Variants in PEPD observed in about 807,000 individuals in gnomAD.
PEPD encodes the protein peptidase D.
Under a neutral mutation model 60.7 loss-of-function variants are expected in PEPD, and 53 were observed. The observed-to-expected ratio is 0.87, with a 90% CI of 0.70 to 1.10. The LOEUF (loss-of-function observed/expected upper bound fraction) is 1.10. PEPD is among the 50% of genes least tolerant of loss of function. PEPD has a pLI of 0.00. For synonymous variants in PEPD, 267 were observed against 284.1 expected, an observed-to-expected ratio of 0.94 and a Z score of 0.60; for missense variants, 711 against 711.9, an observed-to-expected ratio of 1.00 and a Z score of 0.01.
chr19:33,471,752 G>A (rs1239330730), intron 7 of PEPD, among the ~76,000 whole-genome samples: 2 of 152,342 alleles, frequency 1.3e-5, no homozygotes, highest in East Asian at 3.9e-4. Context: ...GCTCTCACTT[G>A]TAATCCCGGC....
intron 9 of PEPD, among the ~76,000 whole-genome samples, chr19:33,457,669 C>T (rs1284635976): frequency 1.3e-5 from 2 of 152,224 alleles, no homozygotes; most frequent in African/African-American, 4.8e-5. Flanking sequence ...CGACACCTAG[C>T]CCAGCTAATT....
intron 6 of PEPD, among the ~76,000 whole-genome samples, chr19:33,489,408 G>C (rs1970455531): frequency 6.6e-6 from 1 of 152,106 alleles, no homozygotes; most frequent in Admixed American, 6.6e-5. Flanking sequence ...GTGGGTGGAT[G>C]ACCTGAGGTC....
intron 9 of PEPD, among the ~76,000 whole-genome samples, chr19:33,458,382 T>G (rs980466020): frequency 4.0e-5 from 6 of 149,738 alleles, no homozygotes; most frequent in Admixed American, 4.0e-4. Flanking sequence ...TAGGTGTGTG[T>G]GGCAAGTGAT....
At position 33,388,118 on chromosome 19, in the gene PEPD, T is replaced by C. The variant is rs1320937895; in HGVS notation, c.1153-37A>G. ...AGAGGTGAGGGGCCTGATGAGCAGC[T>C]CCAGGGCTCACCGTGGCCTCATCAG... On this transcript the variant is annotated intron_variant, in intron 13 of 14. Transcript: ENST00000244137. 6.6e-6 allele frequency: 10 copies of C among 1,513,180 alleles called. No individual in the cohort carries two copies. In the South Asian group the frequency reaches 9.6e-5, roughly 14 times the overall value. The allele number at this position is 1,513,180 out of a possible 1,614,324, so 93.7% of individuals were successfully genotyped here.
chr19:33,471,839 T>C (rs1970126290), intron 7 of PEPD, among the ~76,000 whole-genome samples: 1 of 151,574 alleles, frequency 6.6e-6, no homozygotes, highest in Non-Finnish European at 1.5e-5. Context: ...GGCATCACAG[T>C]GATAACCTGT....
chr19:33,473,047 G>C (rs979708679), intron 7 of PEPD, among the ~76,000 whole-genome samples: 3 of 152,188 alleles, frequency 2.0e-5, no homozygotes, highest in African/African-American at 7.2e-5. Flanking sequence ...AGCTGAGTGT[G>C]CCTGAAACCT....
At chr19:33,461,531 G>T (rs147300932) in intron 9 of PEPD, among the ~76,000 whole-genome samples, 242 of 152,256 alleles carry the variant, frequency 1.6e-3, no homozygotes, top group African/African-American at 5.5e-3. Context: ...AGCATGCAGA[G>T]GACGGCAGGG....
At chr19:33,504,810 G>C (rs1970769522) in intron 3 of PEPD, among the ~76,000 whole-genome samples, 1 of 151,886 alleles carries the variant, frequency 6.6e-6, no homozygotes, top group Non-Finnish European at 1.5e-5. Context: ...TGGGTCAGCA[G>C]AGAAGCTGCT....
In PEPD at chr19:33,463,032, C is replaced by G. The variant is rs747700126; in HGVS notation, c.634G>C (p.Ala212Pro). The G allele has an allele frequency of 6.3e-7, 1 of 1,586,220 alleles. No individual in the cohort carries two copies. Among genetic ancestry groups the G allele is most frequent in the Non-Finnish European group, 8.7e-7 (1 of 1,154,574 alleles). The change falls in exon 9 of 15, where the codon GCT becomes CCT. Residue 212 changes from alanine to proline, a missense_variant. Coordinates refer to ENST00000244137, the MANE Select transcript of PEPD (RefSeq NM_000285.4). ...TATTCTTTCATTCCCACTTTTACAG[C>G]CTTCATTACCTGGAGGACGGATATT... is the stretch of plus-strand genomic sequence containing the variant. Reference protein sequence around the residue: ...SSEAHREVMKAVKVGMKEYEL... With the variant: ...SSEAHREVMKPVKVGMKEYEL...
chr19:33,427,517 A>G (rs11667352), intron 9 of PEPD, among the ~76,000 whole-genome samples: 62,416 of 152,098 alleles, frequency 0.41, 13,519 homozygotes, highest in African/African-American at 0.53. Context: ...TCCCAGAGAC[A>G]CAGGGCAAGT....
intron 2 of PEPD, among the ~76,000 whole-genome samples, chr19:33,511,931 T>C (rs772101878): frequency 3.3e-5 from 5 of 152,128 alleles, no homozygotes; most frequent in Non-Finnish European, 5.9e-5. Flanking sequence ...CGCTCAGCAA[T>C]GGGTCTCAGC....
intron 9 of PEPD, among the ~76,000 whole-genome samples, chr19:33,442,472 G>A (rs1230811087): frequency 6.6e-6 from 1 of 151,152 alleles, no homozygotes; most frequent in East Asian, 1.9e-4. Flanking sequence ...AGGCTGAGGC[G>A]GGTAGATCAT....
chr19:33,394,291 G>C (rs547732066), intron 12 of PEPD, among the ~76,000 whole-genome samples: 28 of 152,400 alleles, frequency 1.8e-4, no homozygotes, highest in South Asian at 4.1e-4. Context: ...CTTCAGCAGT[G>C]GGCTACGTTC....
At chr19:33,412,501 GGAGA>G (rs1968800329) in intron 10 of PEPD, among the ~76,000 whole-genome samples, 2 of 152,260 alleles carry the variant, frequency 1.3e-5, no homozygotes, top group Middle Eastern at 3.4e-3. Context: ...TGACCAGGCT[GGAGA>G]GAGAGGAAAC....
At chr19:33,449,094 C>A (rs2145247815) in intron 9 of PEPD, among the ~76,000 whole-genome samples, 1 of 152,372 alleles carries the variant, frequency 6.6e-6, no homozygotes, top group East Asian at 1.9e-4. Context: ...CGGGGGAAGG[C>A]AGGCAGCAAA....
At chr19:33,496,489 C>A (rs549670887) in intron 4 of PEPD, among the ~76,000 whole-genome samples, 1 of 152,184 alleles carries the variant, frequency 6.6e-6, no homozygotes, top group Non-Finnish European at 1.5e-5. Flanking sequence ...CAGCTCCACC[C>A]GCCCTTCCCC....
chr19:33,464,487 C>T (rs1600137542), intron 7 of PEPD, among the ~76,000 whole-genome samples: 1 of 152,212 alleles, frequency 6.6e-6, no homozygotes, highest in East Asian at 1.9e-4. Context: ...GTCCTGTTGG[C>T]TGAAGAGGCC....
rs1419945476 is a variant in PEPD, at chr19:33,401,713, C to G, written c.967+8G>C. 6.2e-7 allele frequency: 1 copy of G among 1,604,722 alleles called. No individual in the cohort carries two copies. Among genetic ancestry groups the G allele is most frequent in the Admixed American group, 1.7e-5 (1 of 59,068 alleles). On this transcript the variant is annotated splice_region_variant and intron_variant, in intron 12 of 14. Transcript: ENST00000244137. ...AGATGCGCCTCCCCCCACCGACCCG[C>G]TGCTCACCTGGCTTCATGGCACCCA...
rs757823745 is a variant in PEPD, at chr19:33,493,333, G to T, written c.398C>A (p.Ala133Asp). ...GGGCTTCTGTGACGTCAGGACGCTG[G>T]CAATCTAGAAGGTCGGAAAGAAAAA... Reference protein sequence around the residue: ...VDDVQYVDEIASVLTSQKPSV... With the variant: ...VDDVQYVDEIDSVLTSQKPSV... Residue 133 changes from alanine (A) to aspartate (D), a missense_variant, in exon 5 of 15, where the codon GCC (alanine) becomes GAC (aspartate). Physicochemically the swap from Ala to Asp is moderately radical, Grantham distance 126. Transcript: ENST00000244137. 3 of 1,612,644 alleles carry T rather than the reference G, an allele frequency of 1.9e-6. No homozygotes were observed. Among genetic ancestry groups the T allele is most frequent in the Admixed American group, 1.7e-5 (1 of 60,004 alleles).
Sources: allele counts gnomAD v4.1 joint callset (sites outside exome capture counted in the v4.1 genomes callset), GRCh38; gene constraint gnomAD v4.1.1; transcripts MANE v1.5; gene names NCBI Gene and HGNC (gene_info 2026-07-23, HGNC 2026-07-21).